CNTNAP2: variants seen among roughly 807,000 people sequenced by gnomAD.
The protein encoded by CNTNAP2 is contactin-associated protein-like 2.
A neutral mutation model predicts 155.2 loss-of-function variants in CNTNAP2; 98 were observed. The observed-to-expected ratio is 0.63, with a 90% CI of 0.54 to 0.75. The LOEUF (loss-of-function observed/expected upper bound fraction) is 0.75. Ranked by LOEUF, CNTNAP2 falls within the 30% of genes least tolerant of loss-of-function variation. The pLI is 0.00. For missense variants in CNTNAP2, 1,727 were observed against 1,688.1 expected, an observed-to-expected ratio of 1.02 and a Z score of -0.40; for synonymous variants, 651 against 631.2, an observed-to-expected ratio of 1.03 and a Z score of -0.47.
intron 4 of CNTNAP2, among the ~76,000 whole-genome samples, chr7:147,071,759 A>G (rs1799896769): frequency 6.6e-6 from 1 of 152,226 alleles, no homozygotes; most frequent in Non-Finnish European, 1.5e-5. Flanking sequence ...ATGAATGACC[A>G]AAAATGCTGG....
At chr7:147,969,884 C>T (rs1454427342) in intron 14 of CNTNAP2, among the ~76,000 whole-genome samples, 1 of 151,560 alleles carries the variant, frequency 6.6e-6, no homozygotes, top group Non-Finnish European at 1.5e-5. Context: ...TTGTTTTAAA[C>T]TTTTAAAACA....
intron 3 of CNTNAP2, among the ~76,000 whole-genome samples, chr7:146,939,665 T>C (rs1021742247): frequency 1.3e-5 from 2 of 152,306 alleles, no homozygotes; most frequent in East Asian, 1.9e-4. Context: ...AGTTTTTTAA[T>C]TTGCCTGTAA....
intron 9 of CNTNAP2, among the ~76,000 whole-genome samples, chr7:147,371,045 G>A (rs1321818376): frequency 6.6e-6 from 1 of 152,008 alleles, no homozygotes; most frequent in African/African-American, 2.4e-5. Context: ...CAATGAATGG[G>A]TAATTTAAAA....
At chr7:146,796,394 G>C (rs1802768963) in intron 2 of CNTNAP2, among the ~76,000 whole-genome samples, 1 of 152,138 alleles carries the variant, frequency 6.6e-6, no homozygotes, top group Non-Finnish European at 1.5e-5. Context: ...TGGAGGGTGA[G>C]CGGCTGTAAA....
At chr7:146,491,019 A>G (rs1342233914) in intron 1 of CNTNAP2, among the ~76,000 whole-genome samples, 1 of 152,138 alleles carries the variant, frequency 6.6e-6, no homozygotes, top group Non-Finnish European at 1.5e-5. Flanking sequence ...ATTTCTCTCA[A>G]TCTTTTAAAA....
At chr7:147,058,697 C>T (rs958269187) in intron 4 of CNTNAP2, among the ~76,000 whole-genome samples, 1 of 150,396 alleles carries the variant, frequency 6.6e-6, no homozygotes, top group African/African-American at 2.4e-5. Flanking sequence ...ACCTCTGCCT[C>T]CCGGGTTCAA....
intron 12 of CNTNAP2, among the ~76,000 whole-genome samples, chr7:147,620,034 G>A (rs941283104): frequency 7.9e-5 from 12 of 152,332 alleles, no homozygotes; most frequent in Non-Finnish European, 1.5e-4. Flanking sequence ...AAGAGTTTTC[G>A]TCCAGTAATC....
At chr7:148,256,582 C>G (rs1417579183) in intron 20 of CNTNAP2, among the ~76,000 whole-genome samples, 1 of 152,036 alleles carries the variant, frequency 6.6e-6, no homozygotes, top group African/African-American at 2.4e-5. Context: ...AGTGCCTTAC[C>G]GAGAAGAGGA....
chr7:146,203,211 A>G (rs897932849), intron 1 of CNTNAP2, among the ~76,000 whole-genome samples: 1 of 152,190 alleles, frequency 6.6e-6, no homozygotes, highest in Admixed American at 6.5e-5. Context: ...TTCTAACACT[A>G]TCCATCTGGA....
intron 11 of CNTNAP2, among the ~76,000 whole-genome samples, chr7:147,538,521 G>A (rs553128100): frequency 2.6e-5 from 4 of 152,128 alleles, no homozygotes; most frequent in East Asian, 1.9e-4. Flanking sequence ...GAGGTGGCAC[G>A]CATCTATAGT....
intron 3 of CNTNAP2, among the ~76,000 whole-genome samples, chr7:146,895,216 T>C (rs938532365): frequency 1.1e-4 from 16 of 148,448 alleles, no homozygotes; most frequent in East Asian, 3.9e-4. Context: ...CCTTCCTTCC[T>C]TTTCCTTCCT....
chr7:146,838,544 C>G (rs1341074450), intron 2 of CNTNAP2, among the ~76,000 whole-genome samples: 1 of 152,214 alleles, frequency 6.6e-6, no homozygotes, highest in East Asian at 1.9e-4. Flanking sequence ...TCTCCAACTA[C>G]TGACCTCAGG....
intron 13 of CNTNAP2, among the ~76,000 whole-genome samples, chr7:147,840,710 T>G (rs1798714020): frequency 6.6e-6 from 1 of 152,002 alleles, no homozygotes; most frequent in Admixed American, 6.6e-5. Flanking sequence ...AAGAATTGAA[T>G]GTAATCCAGA....
chr7:147,267,350 T>C (rs1563139818), intron 8 of CNTNAP2, among the ~76,000 whole-genome samples: 1 of 152,186 alleles, frequency 6.6e-6, no homozygotes, highest in Non-Finnish European at 1.5e-5. Flanking sequence ...ACAGTATTAA[T>C]AATGTCCAGT....
chr7:147,610,134 G>A (rs1371454519), intron 12 of CNTNAP2, among the ~76,000 whole-genome samples: 1 of 152,076 alleles, frequency 6.6e-6, no homozygotes, highest in South Asian at 2.1e-4. Flanking sequence ...TTGAAGCTAT[G>A]CAATTGTAAT....
chr7:146,306,076 T>C (rs1800706687), intron 1 of CNTNAP2, among the ~76,000 whole-genome samples: 1 of 151,950 alleles, frequency 6.6e-6, no homozygotes, highest in Non-Finnish European at 1.5e-5. Flanking sequence ...TCACCACCAA[T>C]CCCACAGAAA....
At chr7:147,424,771 TTCTC>T (rs1466325701) in intron 10 of CNTNAP2, among the ~76,000 whole-genome samples, 8 of 152,178 alleles carry the variant, frequency 5.3e-5, no homozygotes, top group Admixed American at 3.3e-4. Context: ...AAATAAATGT[TTCTC>T]TCTCAGTTTT....
intron 14 of CNTNAP2, among the ~76,000 whole-genome samples, chr7:147,966,577 A>T (rs997869587): frequency 1.3e-5 from 2 of 152,144 alleles, no homozygotes; most frequent in African/African-American, 4.8e-5. Flanking sequence ...TCCAAAGCTG[A>T]GTGCCCTCTC....
At position 148,416,745 on chromosome 7, in the gene CNTNAP2, T is replaced by G. The variant is rs1800002259; in HGVS notation, c.*1129T>G. On this transcript the variant is annotated 3_prime_UTR_variant, in exon 24 of 24. Transcript: ENST00000361727. ...AAACACTGCCATATTTTAAATCAAC[T>G]ACTCCACGTGTTTTTCCATCCAATC... 6.6e-6 allele frequency: 1 copy of G among 152,590 alleles called. No homozygotes were observed. The highest frequency in any genetic ancestry group is 2.4e-5 in the African/African-American group (1 of 41,378). 9.5% of individuals were successfully genotyped at this position (152,590 alleles called of 1,614,324 possible).
Sources: allele counts gnomAD v4.1 joint callset (sites outside exome capture counted in the v4.1 genomes callset), GRCh38; gene constraint gnomAD v4.1.1; transcripts MANE v1.5; gene names NCBI Gene and HGNC (gene_info 2026-07-23, HGNC 2026-07-21).